Variants in TENM3 observed in about 807,000 individuals in gnomAD.
TENM3 encodes teneurin transmembrane protein 3, also known as teneurin-3.
Under a neutral mutation model 255.1 loss-of-function variants are expected in TENM3, and 63 were observed. That is an observed-to-expected ratio of 0.25 (90% CI 0.20 to 0.30). The LOEUF (loss-of-function observed/expected upper bound fraction) is 0.30, where lower values mean the gene tolerates loss of function less well. Among genes scored for constraint, TENM3 ranks in the 10% least tolerant of loss-of-function variants. The pLI, the probability that TENM3 is intolerant of heterozygous loss-of-function variation, is 1.00. For synonymous variants in TENM3, 1,306 were observed against 1,322.3 expected, an observed-to-expected ratio of 0.99 and a Z score of 0.27; for missense variants, 2,929 against 3,461.1, an observed-to-expected ratio of 0.85 and a Z score of 3.86.
At chr4:181,552,563 T>A in the TENM3 span, among the ~76,000 whole-genome samples, 1 of 152,224 alleles carries the variant, frequency 6.6e-6, no homozygotes, top group Non-Finnish European at 1.5e-5. Context: ...TAATTTTCTA[T>A]AAACCAAAAG....
chr4:182,250,098 A>G (rs181803344), intron 1 of TENM3, among the ~76,000 whole-genome samples: 2,405 of 137,884 alleles, frequency 0.017, 68 homozygotes, highest in African/African-American at 0.062. Context: ...TGTCGCCCAG[A>G]CTGGAGTGCA....
At chr4:181,708,618 A>C in the TENM3 span, among the ~76,000 whole-genome samples, 2 of 152,018 alleles carry the variant, frequency 1.3e-5, no homozygotes. Flanking sequence ...ATGAAAATCA[A>C]ATATGACCTT....
intron 3 of TENM3, among the ~76,000 whole-genome samples, chr4:182,571,785 A>G (rs1327507329): frequency 6.6e-5 from 10 of 152,344 alleles, no homozygotes; most frequent in Admixed American, 4.6e-4. Context: ...CCAAGTGTAT[A>G]TAATTAACAT....
At chr4:182,533,984 G>A (rs1318255691) in intron 3 of TENM3, among the ~76,000 whole-genome samples, 1 of 152,106 alleles carries the variant, frequency 6.6e-6, no homozygotes, top group Non-Finnish European at 1.5e-5. Context: ...TTACTGAGTT[G>A]TCACTGAATG....
Position 182,262,720 on chromosome 4 carries a change from C to CTT in TENM3, c.-76+19262_-76+19263dup, listed in dbSNP as rs535703415. Among the ~76,000 whole-genome samples, 69 of 133,266 alleles carry CTT rather than the reference C, an allele frequency of 5.2e-4. 1 individual carries two copies. Among genetic ancestry groups the CTT allele is most frequent in the African/African-American group, 1.4e-3 (49 of 33,838 alleles). The allele number at this position is 133,266 out of a possible 152,430, so 87.4% of individuals were successfully genotyped here. On this transcript the variant is annotated intron_variant, in intron 1 of 27. Transcript: ENST00000511685. ...AGCCATTCTTTTATTCCTTTACTTT[C>CTT]TTTTTTTTTTTTTTTTTTTGAGACG...
chr4:182,409,874 A>G (rs902927967), intron 3 of TENM3, among the ~76,000 whole-genome samples: 2 of 148,408 alleles, frequency 1.3e-5, no homozygotes, highest in African/African-American at 5.0e-5. Flanking sequence ...ATGTGGCTGG[A>G]GTGCAGTAGT....
chr4:182,671,596 C>T (rs1423577585), intron 6 of TENM3, among the ~76,000 whole-genome samples: 1 of 152,168 alleles, frequency 6.6e-6, no homozygotes, highest in Middle Eastern at 3.2e-3. Flanking sequence ...CAGGTAATTA[C>T]TACTTGATAG....
At chr4:181,564,292 T>G in the TENM3 span, among the ~76,000 whole-genome samples, 2 of 152,160 alleles carry the variant, frequency 1.3e-5, no homozygotes, top group African/African-American at 4.8e-5. Flanking sequence ...ATTATAGTAT[T>G]AGCGACACAC....
chr4:182,299,184 G>A (rs780589441), intron 1 of TENM3, among the ~76,000 whole-genome samples: 9 of 151,690 alleles, frequency 5.9e-5, no homozygotes, highest in Non-Finnish European at 1.3e-4. Context: ...AATTGCACTA[G>A]TTTCTCCTAG....
the TENM3 span, among the ~76,000 whole-genome samples, chr4:181,711,275 T>C: frequency 0.059 from 8,987 of 152,188 alleles, 557 homozygotes; most frequent in African/African-American, 0.16. Flanking sequence ...ATACTAAAAA[T>C]ACCATCATTT....
chr4:182,548,671 C>G (rs1741699760), intron 3 of TENM3: 1 of 152,184 alleles, frequency 6.6e-6, no homozygotes, highest in African/African-American at 2.4e-5. Flanking sequence ...CACTTCTCAG[C>G]CTTTTGGCTA....
At chr4:182,314,416 A>G (rs1239326006) in intron 1 of TENM3, among the ~76,000 whole-genome samples, 2 of 152,244 alleles carry the variant, frequency 1.3e-5, no homozygotes, top group African/African-American at 4.8e-5. Context: ...GGATAAGTGA[A>G]TAAGTAAAGA....
At chr4:181,895,887 G>A in the TENM3 span, among the ~76,000 whole-genome samples, 19 of 151,792 alleles carry the variant, frequency 1.3e-4, no homozygotes, top group African/African-American at 2.4e-4. Flanking sequence ...CACCATGCCC[G>A]CCTCAAAGTT....
intron 5 of TENM3, among the ~76,000 whole-genome samples, chr4:182,643,035 G>A (rs919860413): frequency 6.6e-5 from 10 of 152,178 alleles, no homozygotes; most frequent in African/African-American, 2.2e-4. Context: ...AGAGAACTCT[G>A]TGTTCCTAAT....
intron 1 of TENM3, among the ~76,000 whole-genome samples, chr4:182,315,128 G>C (rs1216901865): frequency 6.6e-6 from 1 of 152,130 alleles, no homozygotes; most frequent in African/African-American, 2.4e-5. Flanking sequence ...AAATGCTACA[G>C]TACACGGCTA....
At chr4:182,781,537 T>G (rs1028322895) in intron 24 of TENM3, among the ~76,000 whole-genome samples, 1 of 152,128 alleles carries the variant, frequency 6.6e-6, no homozygotes, top group African/African-American at 2.4e-5. Flanking sequence ...TGTCTCTGCC[T>G]GGCTTTGGTA....
chr4:181,960,123 A>G, the TENM3 span, among the ~76,000 whole-genome samples: 1 of 152,264 alleles, frequency 6.6e-6, no homozygotes, highest in Admixed American at 6.5e-5. Context: ...ATCTTTTAAA[A>G]GAAAAATAGG....
intron 1 of TENM3, among the ~76,000 whole-genome samples, chr4:182,282,179 T>C (rs1760428181): frequency 6.6e-6 from 1 of 152,244 alleles, no homozygotes; most frequent in Non-Finnish European, 1.5e-5. Context: ...ATAATTCAAA[T>C]ACCAGTGGAC....
At chr4:182,512,278 C>T (rs1242589488) in intron 3 of TENM3, among the ~76,000 whole-genome samples, 1 of 152,126 alleles carries the variant, frequency 6.6e-6, no homozygotes, top group Non-Finnish European at 1.5e-5. Flanking sequence ...TCCATGGTCT[C>T]TTTTTATTTG....
Sources: gnomAD v4.1 joint callset for allele counts (sites outside exome capture counted in the v4.1 genomes callset) on GRCh38, gnomAD v4.1.1 for gene constraint, MANE v1.5 for transcripts, NCBI Gene and HGNC (gene_info 2026-07-23, HGNC 2026-07-21) for gene names.